The following IMMP2L variants were observed in gnomAD, a reference collection of about 807,000 sequenced individuals.
IMMP2L encodes inner mitochondrial membrane peptidase subunit 2.
A neutral mutation model predicts 19.3 loss-of-function variants in IMMP2L; 18 were observed. The observed-to-expected ratio is 0.93, with a 90% CI of 0.64 to 1.38. IMMP2L has a LOEUF of 1.38. Ranked by LOEUF, IMMP2L falls within the 40% of genes most tolerant of loss-of-function variation. The probability of loss-of-function intolerance (pLI) is 0.00; values close to 1 mark genes in which losing one functional copy is unlikely to be tolerated. For synonymous variants in IMMP2L, 76 were observed against 73.0 expected, an observed-to-expected ratio of 1.04 and a Z score of -0.21; for missense variants, 233 against 218.2, an observed-to-expected ratio of 1.07 and a Z score of -0.43.
At chr7:110,786,830 A>G (rs1454720000) in intron 5 of IMMP2L, among the ~76,000 whole-genome samples, 1 of 152,044 alleles carries the variant, frequency 6.6e-6, no homozygotes, top group African/African-American at 2.4e-5. Flanking sequence ...TTGGGAATTA[A>G]CTTGCAGGCT....
chr7:111,205,595 G>A (rs954069976), intron 3 of IMMP2L, among the ~76,000 whole-genome samples: 1 of 150,836 alleles, frequency 6.6e-6, no homozygotes, highest in Non-Finnish European at 1.5e-5. Context: ...TTGAATTCAA[G>A]AATTAAATTT....
At chr7:111,557,493 G>T (rs1170200458) in intron 1 of IMMP2L, among the ~76,000 whole-genome samples, 2 of 152,080 alleles carry the variant, frequency 1.3e-5, no homozygotes, top group Non-Finnish European at 2.9e-5. Context: ...AACTACTCAT[G>T]CTGTTAGCTT....
intron 3 of IMMP2L, among the ~76,000 whole-genome samples, chr7:111,263,631 G>T (rs963378493): frequency 3.3e-5 from 5 of 152,062 alleles, no homozygotes; most frequent in African/African-American, 1.2e-4. Context: ...GCATATCAAT[G>T]GTATTTTTAA....
chr7:111,241,708 T>C (rs1158091454), intron 3 of IMMP2L, among the ~76,000 whole-genome samples: 1 of 150,994 alleles, frequency 6.6e-6, no homozygotes, highest in East Asian at 1.9e-4. Context: ...TGTATATATA[T>C]ATTATATAAG....
chr7:111,522,528 A>G (rs988207617), intron 1 of IMMP2L, among the ~76,000 whole-genome samples: 1 of 152,102 alleles, frequency 6.6e-6, no homozygotes, highest in Non-Finnish European at 1.5e-5. Flanking sequence ...GAAGACATAC[A>G]AATAGCCAAC....
chr7:110,834,225 A>G (rs917853445), intron 5 of IMMP2L, among the ~76,000 whole-genome samples: 2 of 152,156 alleles, frequency 1.3e-5, no homozygotes, highest in African/African-American at 2.4e-5. Context: ...TTCCACAGAA[A>G]TTCACTGTAG....
At chr7:111,315,184 T>A (rs570505656) in intron 3 of IMMP2L, among the ~76,000 whole-genome samples, 2 of 152,206 alleles carry the variant, frequency 1.3e-5, no homozygotes, top group Admixed American at 1.3e-4. Flanking sequence ...AGGAAAAATA[T>A]CCTCTTTAAT....
intron 3 of IMMP2L, among the ~76,000 whole-genome samples, chr7:111,276,680 A>C (rs1375429087): frequency 1.3e-5 from 2 of 152,000 alleles, no homozygotes; most frequent in East Asian, 3.9e-4. Context: ...TAAGGGGAAA[A>C]AAAGCTAGCT....
At chr7:110,989,179 G>A (rs1046480835) in intron 3 of IMMP2L, among the ~76,000 whole-genome samples, 4 of 152,132 alleles carry the variant, frequency 2.6e-5, no homozygotes, top group Non-Finnish European at 5.9e-5. Context: ...AGATTGCGGT[G>A]AGCCAAGATC....
At chr7:110,700,623 C>T (rs1794216344) in intron 5 of IMMP2L, among the ~76,000 whole-genome samples, 1 of 152,204 alleles carries the variant, frequency 6.6e-6, no homozygotes, top group Non-Finnish European at 1.5e-5. Context: ...TGCTTTGCAT[C>T]ACTACCTCTC....
At chr7:110,903,318 A>G (rs1481930312) in intron 4 of IMMP2L, among the ~76,000 whole-genome samples, 2 of 152,208 alleles carry the variant, frequency 1.3e-5, no homozygotes, top group East Asian at 1.9e-4. Context: ...ATTGTTGAGT[A>G]TAGGTACAAT....
chr7:110,888,912 C>T (rs1810498457), intron 4 of IMMP2L, among the ~76,000 whole-genome samples: 1 of 152,096 alleles, frequency 6.6e-6, no homozygotes, highest in African/African-American at 2.4e-5. Flanking sequence ...GCTCAGTAAA[C>T]ATTTGTTAAA....
intron 4 of IMMP2L, among the ~76,000 whole-genome samples, chr7:110,949,928 C>T (rs891222398): frequency 6.6e-6 from 1 of 152,078 alleles, no homozygotes; most frequent in African/African-American, 2.4e-5. Context: ...GAAACAAGCA[C>T]ATATACCCTA....
chr7:111,016,876 A>C (rs1188509530), intron 3 of IMMP2L, among the ~76,000 whole-genome samples: 2 of 88,398 alleles, frequency 2.3e-5, no homozygotes, highest in African/African-American at 4.7e-5. Flanking sequence ...ATTACATATA[A>C]TATATATTAT....
chr7:111,545,056 C>A (rs972626750), intron 1 of IMMP2L, among the ~76,000 whole-genome samples: 1 of 152,104 alleles, frequency 6.6e-6, no homozygotes, highest in South Asian at 2.1e-4. Context: ...CTCACACACA[C>A]ACATACTCTC....
intron 3 of IMMP2L, among the ~76,000 whole-genome samples, chr7:111,145,481 T>C (rs889068214): frequency 3.9e-5 from 6 of 152,150 alleles, no homozygotes; most frequent in African/African-American, 1.4e-4. Context: ...GCCATTGCTC[T>C]GGTCTGGGTA....
At chr7:111,093,216 G>A (rs1288451399) in intron 3 of IMMP2L, among the ~76,000 whole-genome samples, 1 of 152,158 alleles carries the variant, frequency 6.6e-6, no homozygotes, top group Non-Finnish European at 1.5e-5. Flanking sequence ...AAAATGAAAG[G>A]TGCTGAAGCA....
intron 1 of IMMP2L, among the ~76,000 whole-genome samples, chr7:111,539,196 G>A (rs6150293): frequency 2.3e-3 from 69 of 30,018 alleles, no homozygotes; most frequent in African/African-American, 7.7e-3. Context: ...AGGAAGGAGG[G>A]AGAAAGAAAG....
intron 3 of IMMP2L, among the ~76,000 whole-genome samples, chr7:111,067,319 A>G (rs1016309371): frequency 2.0e-5 from 3 of 152,206 alleles, no homozygotes; most frequent in Non-Finnish European, 1.5e-5. Context: ...TTAAACTCTC[A>G]TATCTACCAC....
Sources: allele counts gnomAD v4.1 joint callset (sites outside exome capture counted in the v4.1 genomes callset), GRCh38; gene constraint gnomAD v4.1.1; transcripts MANE v1.5; gene names NCBI Gene and HGNC (gene_info 2026-07-23, HGNC 2026-07-21).